RERE: variants seen among roughly 807,000 people sequenced by gnomAD.
RERE encodes arginine-glutamic acid dipeptide repeats.
RERE carries 40 observed loss-of-function variants against 146.1 expected under a neutral mutation model. The observed-to-expected ratio is 0.27, with a 90% CI of 0.21 to 0.36. RERE has a LOEUF of 0.36. Ranked by LOEUF, RERE falls within the 10% of genes least tolerant of loss-of-function variation. The pLI is 1.00. For synonymous variants in RERE, 1,003 were observed against 866.0 expected, an observed-to-expected ratio of 1.16 and a Z score of -2.78; for missense variants, 1,933 against 2,138.7, an observed-to-expected ratio of 0.90 and a Z score of 1.90.
Position 8,401,043 on chromosome 1 carries a change from A to C in RERE, c.1284+21684T>G, listed in dbSNP as rs1253253138. On this transcript the variant is annotated intron_variant, in intron 12 of 22. Transcript: ENST00000400908. Reference sequence around the variant, plus strand: ...AAAAAAAAAAAAAAAAAAACCATATATATATATATATATATATATATATAT... The same window carrying C: ...AAAAAAAAAAAAAAAAAAACCATATCTATATATATATATATATATATATAT... Among the ~76,000 whole-genome samples, 164 of 42,548 alleles carry C rather than the reference A, an allele frequency of 3.9e-3. 4 individuals are homozygous for C. Among genetic ancestry groups the C allele is most frequent in the Non-Finnish European group, 5.8e-3 (126 of 21,708 alleles). The allele number at this position is 42,548 out of a possible 152,430, so 27.9% of individuals were successfully genotyped here. A position where few individuals can be genotyped will look rare whatever the true frequency, so the allele number is the denominator to read the frequency against.
intron 2 of RERE, among the ~76,000 whole-genome samples, chr1:8,625,853 A>G (rs969892408): frequency 6.6e-6 from 1 of 152,214 alleles, no homozygotes; most frequent in African/African-American, 2.4e-5. Context: ...GAACATCAGG[A>G]TCTTTGTACC....
intron 2 of RERE, among the ~76,000 whole-genome samples, chr1:8,639,268 G>A (rs973195581): frequency 1.3e-5 from 2 of 152,146 alleles, no homozygotes; most frequent in Non-Finnish European, 2.9e-5. Context: ...ACAGCACTTA[G>A]AATCCTGACA....
chr1:8,453,072 A>G (rs758631332), intron 11 of RERE, among the ~76,000 whole-genome samples: 5 of 152,208 alleles, frequency 3.3e-5, no homozygotes, highest in Non-Finnish European at 7.3e-5. Context: ...AGATATTTAA[A>G]AAGAGAGGGA....
intron 1 of RERE, among the ~76,000 whole-genome samples, chr1:8,740,725 C>T (rs1640290453): frequency 6.6e-6 from 1 of 152,100 alleles, no homozygotes; most frequent in Non-Finnish European, 1.5e-5. Context: ...TAGGCATACA[C>T]AGGGTGAGGA....
In RERE at chr1:8,804,482, A is replaced by C. The variant is rs544076952; in HGVS notation, c.-145+12678T>G. ...CACAAACTGCCAGATGTAGTGCAAT[A>C]CTGATTCTTCCCTTCCTCCAGAGTA... On this transcript the variant is annotated intron_variant, in intron 1 of 22. Coordinates refer to ENST00000400908, the MANE Select transcript of RERE (RefSeq NM_001042681.2). 5.9e-5 allele frequency among the ~76,000 whole-genome samples: 9 copies of C among 152,334 alleles called. No individual in the cohort carries two copies. The East Asian group carries it at 1.7e-3, about 29-fold the overall frequency.
At chr1:8,393,067 G>A (rs1447686201) in intron 12 of RERE, among the ~76,000 whole-genome samples, 1 of 152,222 alleles carries the variant, frequency 6.6e-6, no homozygotes, top group East Asian at 1.9e-4. Context: ...GCTTACTCAT[G>A]AGAAGGAATA....
At chr1:8,468,898 A>G (rs143239836) in intron 10 of RERE, among the ~76,000 whole-genome samples, 1 of 148,530 alleles carries the variant, frequency 6.7e-6, no homozygotes, top group African/African-American at 2.6e-5. Context: ...CCCTGCCTCC[A>G]ATAAAAAAAA....
intron 15 of RERE, among the ~76,000 whole-genome samples, chr1:8,363,327 C>T (rs983420837): frequency 6.6e-6 from 1 of 152,250 alleles, no homozygotes; most frequent in Non-Finnish European, 1.5e-5. Flanking sequence ...CTCCCCAAGC[C>T]GCCAAGCGCT....
chr1:8,565,169 T>C (rs548808876), intron 4 of RERE, among the ~76,000 whole-genome samples: 2 of 152,234 alleles, frequency 1.3e-5, no homozygotes, highest in South Asian at 2.1e-4. Flanking sequence ...ATGATTAATA[T>C]AGTTAATAAC....
intron 6 of RERE, among the ~76,000 whole-genome samples, chr1:8,546,687 A>C (rs1176545311): frequency 6.6e-6 from 1 of 152,054 alleles, no homozygotes; most frequent in Non-Finnish European, 1.5e-5. Flanking sequence ...GTCTCTACTA[A>C]AAATACAAAG....
In RERE at chr1:8,656,406, T is replaced by C; in HGVS notation, c.-109A>G. ...ATTTCTCACTCAATTCCAGGGAAAA[T>C]CCAACCACTCCAACAACCCCAACGT... On this transcript the variant is annotated 5_prime_UTR_variant, in exon 2 of 23. Coordinates refer to ENST00000400908, the MANE Select transcript of RERE (RefSeq NM_001042681.2). The C allele has an allele frequency of 7.3e-7, 1 of 1,368,622 alleles. No homozygotes were observed. The highest frequency in any genetic ancestry group is 9.9e-7 in the Non-Finnish European group (1 of 1,009,216). The allele number at this position is 1,368,622 out of a possible 1,614,324, so 84.8% of individuals were successfully genotyped here.
intron 11 of RERE, among the ~76,000 whole-genome samples, chr1:8,457,976 T>C (rs1446815381): frequency 1.3e-5 from 2 of 152,118 alleles, no homozygotes; most frequent in African/African-American, 2.4e-5. Flanking sequence ...CTTCCTCTCA[T>C]GGTAGGGTTC....
chr1:8,436,636 C>T (rs1052885928), intron 11 of RERE, among the ~76,000 whole-genome samples: 5 of 151,522 alleles, frequency 3.3e-5, no homozygotes, highest in African/African-American at 1.2e-4. Context: ...AGTGGTTGCC[C>T]GATAGAAATA....
At chr1:8,795,083 A>G (rs1407595573) in intron 1 of RERE, among the ~76,000 whole-genome samples, 1 of 152,178 alleles carries the variant, frequency 6.6e-6, no homozygotes, top group Non-Finnish European at 1.5e-5. Context: ...GCTGGAGTGC[A>G]GTGGTGCAAT....
At chr1:8,785,995 C>A (rs528308919) in intron 1 of RERE, among the ~76,000 whole-genome samples, 17 of 152,152 alleles carry the variant, frequency 1.1e-4, no homozygotes, top group Non-Finnish European at 2.4e-4. Flanking sequence ...AAATTCCAAA[C>A]CCAACCGCTC....
intron 4 of RERE, among the ~76,000 whole-genome samples, chr1:8,598,900 T>C (rs1216532599): frequency 6.6e-6 from 1 of 152,146 alleles, no homozygotes; most frequent in Non-Finnish European, 1.5e-5. Context: ...AGAATGTAAA[T>C]ATACCACAGC....
At chr1:8,493,936 T>A (rs1645010556) in intron 10 of RERE, among the ~76,000 whole-genome samples, 1 of 152,196 alleles carries the variant, frequency 6.6e-6, no homozygotes, top group East Asian at 1.9e-4. Flanking sequence ...AACTTTAAAA[T>A]ACATTAATAT....
chr1:8,485,135 G>A (rs1029343756), intron 10 of RERE, among the ~76,000 whole-genome samples: 5 of 152,268 alleles, frequency 3.3e-5, no homozygotes, highest in Admixed American at 2.0e-4. Flanking sequence ...GCCAAGGTGG[G>A]CAGATCACCT....
intron 1 of RERE, among the ~76,000 whole-genome samples, chr1:8,762,596 A>G (rs986478681): frequency 2.0e-5 from 3 of 152,198 alleles, no homozygotes; most frequent in African/African-American, 7.2e-5. Context: ...GTCAGGCACC[A>G]TCTAACTCTA....
Sources: allele counts gnomAD v4.1 joint callset (sites outside exome capture counted in the v4.1 genomes callset), GRCh38; gene constraint gnomAD v4.1.1; transcripts MANE v1.5; gene names NCBI Gene and HGNC (gene_info 2026-07-23, HGNC 2026-07-21).